TSPAN5: variants seen among roughly 807,000 people sequenced by gnomAD.
TSPAN5 encodes tetraspanin 5.
TSPAN5 carries 10 observed loss-of-function variants against 37.1 expected under a neutral mutation model. The ratio of observed to expected loss-of-function variants is 0.27; its 90% CI spans 0.17 to 0.46. The LOEUF (loss-of-function observed/expected upper bound fraction) is 0.46. Among genes scored for constraint, TSPAN5 ranks in the 20% least tolerant of loss-of-function variants. The pLI, the probability that TSPAN5 is intolerant of heterozygous loss-of-function variation, is 1.00. For synonymous variants in TSPAN5, 110 were observed against 118.9 expected, an observed-to-expected ratio of 0.93 and a Z score of 0.48; for missense variants, 195 against 326.6, an observed-to-expected ratio of 0.60 and a Z score of 3.11.
intron 1 of TSPAN5, among the ~76,000 whole-genome samples, chr4:98,562,666 C>G (rs1578994490): frequency 7.8e-6 from 1 of 127,682 alleles, no homozygotes; most frequent in Non-Finnish European, 1.5e-5. Context: ...TCTCAAAAAA[C>G]AAAACAAAAC....
At chr4:98,580,295 C>G (rs1253969924) in intron 1 of TSPAN5, among the ~76,000 whole-genome samples, 2 of 152,212 alleles carry the variant, frequency 1.3e-5, no homozygotes, top group East Asian at 3.8e-4. Context: ...GTGGACTGCA[C>G]AGTTGAGTCC....
chr4:98,574,502 C>T (rs998025435), intron 1 of TSPAN5: 7 of 152,194 alleles, frequency 4.6e-5, no homozygotes, highest in African/African-American at 1.7e-4. Context: ...TCTAACAGGG[C>T]CTTGATCTTC....
intron 2 of TSPAN5, among the ~76,000 whole-genome samples, chr4:98,489,725 G>A (rs1246036927): frequency 6.6e-6 from 1 of 151,992 alleles, no homozygotes; most frequent in Non-Finnish European, 1.5e-5. Flanking sequence ...GTTCCTGCAC[G>A]GTCTAAGTGC....
At chr4:98,656,796 A>G (rs542258597) in intron 1 of TSPAN5, among the ~76,000 whole-genome samples, 1 of 152,238 alleles carries the variant, frequency 6.6e-6, no homozygotes, top group Non-Finnish European at 1.5e-5. Flanking sequence ...GCAAGGTATT[A>G]TAATAGAAAA....
At chr4:98,654,769 A>G (rs981214591) in intron 1 of TSPAN5, among the ~76,000 whole-genome samples, 3 of 152,260 alleles carry the variant, frequency 2.0e-5, no homozygotes, top group African/African-American at 7.2e-5. Flanking sequence ...TGAGATTCAC[A>G]GTGGGGAGAG....
chr4:98,473,594 G>A (rs964944398), intron 7 of TSPAN5, among the ~76,000 whole-genome samples: 1 of 151,840 alleles, frequency 6.6e-6, no homozygotes, highest in Non-Finnish European at 1.5e-5. Context: ...CGAGTAGCTG[G>A]GACTACAGGC....
At chr4:98,568,457 G>A in intron 1 of TSPAN5, among the ~76,000 whole-genome samples, 1 of 151,804 alleles carries the variant, frequency 6.6e-6, no homozygotes, top group Non-Finnish European at 1.5e-5. Flanking sequence ...CAGGAGAATC[G>A]TTTGAACCCA....
At chr4:98,485,684 C>T (rs752043074) in intron 3 of TSPAN5, among the ~76,000 whole-genome samples, 2 of 150,956 alleles carry the variant, frequency 1.3e-5, no homozygotes, top group African/African-American at 2.4e-5. Flanking sequence ...TAAGAAAAGA[C>T]GCTGGAGGAT....
chr4:98,651,096 C>T (rs1212778282), intron 1 of TSPAN5, among the ~76,000 whole-genome samples: 1 of 152,092 alleles, frequency 6.6e-6, no homozygotes, highest in East Asian at 1.9e-4. Context: ...GGTAGAGAAG[C>T]CTGGCAGACA....
At chr4:98,619,239 C>T (rs1756423707) in intron 1 of TSPAN5, among the ~76,000 whole-genome samples, 1 of 152,152 alleles carries the variant, frequency 6.6e-6, no homozygotes, top group African/African-American at 2.4e-5. Context: ...TTTGGCTTTG[C>T]TTATACTTCT....
chr4:98,522,216 G>A (rs1055338584), intron 1 of TSPAN5, among the ~76,000 whole-genome samples: 2 of 152,170 alleles, frequency 1.3e-5, no homozygotes, highest in Non-Finnish European at 2.9e-5. Context: ...ACTATACTCA[G>A]AGTACACTGA....
chr4:98,555,281 T>G (rs1754715981), intron 1 of TSPAN5, among the ~76,000 whole-genome samples: 1 of 152,180 alleles, frequency 6.6e-6, no homozygotes, highest in Non-Finnish European at 1.5e-5. Context: ...CTCTCTCCAG[T>G]CACACAGGCC....
chr4:98,612,694 G>C (rs562959057), intron 1 of TSPAN5, among the ~76,000 whole-genome samples: 1 of 152,024 alleles, frequency 6.6e-6, no homozygotes, highest in Non-Finnish European at 1.5e-5. Flanking sequence ...CCCGCTCCCC[G>C]CGGGGCTCCC....
intron 1 of TSPAN5, among the ~76,000 whole-genome samples, chr4:98,623,726 A>G (rs927941671): frequency 2.6e-5 from 4 of 152,180 alleles, no homozygotes; most frequent in African/African-American, 9.7e-5. Flanking sequence ...GATACAACCC[A>G]TCCCTTACTC....
At chr4:98,491,768 AGTCTTCTGTT>A (rs1275913015) in intron 2 of TSPAN5, among the ~76,000 whole-genome samples, 1 of 151,930 alleles carries the variant, frequency 6.6e-6, no homozygotes, top group African/African-American at 2.4e-5. Context: ...TTGACTGTTC[AGTCTTCTGTT>A]GTCCTAAAGA....
At chr4:98,656,323 TG>T (rs1757293263) in intron 1 of TSPAN5, among the ~76,000 whole-genome samples, 1 of 152,212 alleles carries the variant, frequency 6.6e-6, no homozygotes, top group Non-Finnish European at 1.5e-5. Context: ...AGAAAGTCCC[TG>T]GGTGCTTTTT....
intron 1 of TSPAN5, among the ~76,000 whole-genome samples, chr4:98,517,551 A>T (rs1036656627): frequency 6.6e-6 from 1 of 152,098 alleles, no homozygotes; most frequent in African/African-American, 2.4e-5. Flanking sequence ...CCTTGAAGAA[A>T]TGTCTACAAT....
At chr4:98,608,220 G>C (rs1315245150) in intron 1 of TSPAN5, among the ~76,000 whole-genome samples, 1 of 152,172 alleles carries the variant, frequency 6.6e-6, no homozygotes, top group Non-Finnish European at 1.5e-5. Flanking sequence ...CACAGATAAA[G>C]ATACTTATGA....
At chr4:98,543,239 A>C (rs1455371328) in intron 1 of TSPAN5, among the ~76,000 whole-genome samples, 1 of 152,152 alleles carries the variant, frequency 6.6e-6, no homozygotes, top group Non-Finnish European at 1.5e-5. Flanking sequence ...GTTTGGCAAC[A>C]GCGTTTCAAC....
Sources: allele counts gnomAD v4.1 joint callset (sites outside exome capture counted in the v4.1 genomes callset), GRCh38; gene constraint gnomAD v4.1.1; transcripts MANE v1.5; gene names NCBI Gene and HGNC (gene_info 2026-07-23, HGNC 2026-07-21).